Variants in SRRM4 observed in about 807,000 individuals in gnomAD.
SRRM4 encodes the protein serine/arginine repetitive matrix protein 4.
In SRRM4, 33 loss-of-function variants were observed where a neutral mutation model predicts 68.9. That is an observed-to-expected ratio of 0.48 (90% CI 0.36 to 0.64). The LOEUF (loss-of-function observed/expected upper bound fraction) is 0.64, where lower values mean the gene tolerates loss of function less well. SRRM4 is among the 30% of genes least tolerant of loss of function. The probability of loss-of-function intolerance (pLI) is 0.00; values close to 1 mark genes in which losing one functional copy is unlikely to be tolerated. For synonymous variants in SRRM4, 318 were observed against 318.8 expected (o/e 1.00, Z 0.03); for missense variants, 817 against 827.1 (o/e 0.99, Z 0.15).
intron 1 of SRRM4, among the ~76,000 whole-genome samples, chr12:119,089,057 C>T (rs1274627782): frequency 5.3e-5 from 8 of 152,100 alleles, no homozygotes; most frequent in African/African-American, 1.9e-4. Context: ...GCCTGATTCC[C>T]AAGCCCCCGG....
intron 1 of SRRM4, among the ~76,000 whole-genome samples, chr12:119,071,305 G>T (rs370777556): frequency 6.6e-6 from 1 of 152,158 alleles, no homozygotes; most frequent in Non-Finnish European, 1.5e-5. Context: ...ACAGATTTTC[G>T]TGTAAGACAC....
At chr12:119,015,293 A>G (rs1330319532) in intron 1 of SRRM4, among the ~76,000 whole-genome samples, 1 of 152,236 alleles carries the variant, frequency 6.6e-6, no homozygotes, top group Non-Finnish European at 1.5e-5. Flanking sequence ...AGAACTAGTC[A>G]GAGCAGCCAT....
intron 6 of SRRM4, among the ~76,000 whole-genome samples, chr12:119,123,211 C>T (rs1183279214): frequency 6.6e-6 from 1 of 152,164 alleles, no homozygotes; most frequent in Non-Finnish European, 1.5e-5. Context: ...GGTCTTTTCA[C>T]CCAAGGTCAG....
chr12:119,029,711 G>C (rs1028208212), intron 1 of SRRM4, among the ~76,000 whole-genome samples: 2 of 152,214 alleles, frequency 1.3e-5, no homozygotes, highest in Non-Finnish European at 2.9e-5. Flanking sequence ...CTACACGTTT[G>C]TTTCTTCCTG....
intron 9 of SRRM4, among the ~76,000 whole-genome samples, chr12:119,146,889 T>C (rs1422228605): frequency 6.6e-6 from 1 of 151,840 alleles, no homozygotes; most frequent in African/African-American, 2.4e-5. Context: ...TGAGCCGAGA[T>C]TGCGCCAGTG....
intron 1 of SRRM4, among the ~76,000 whole-genome samples, chr12:119,050,991 T>C (rs1675067013): frequency 6.6e-6 from 1 of 152,152 alleles, no homozygotes. Context: ...TCTGTCATCA[T>C]AGAAAGGTTG....
At chr12:118,991,810 GT>G (rs1953318592) in intron 1 of SRRM4, 1 of 152,184 alleles carries the variant, frequency 6.6e-6, no homozygotes, top group Non-Finnish European at 1.5e-5. Flanking sequence ...GTGGCTCAAG[GT>G]TGGTCATCTT....
chr12:119,046,836 C>T (rs4539391), intron 1 of SRRM4, among the ~76,000 whole-genome samples: 121,058 of 151,860 alleles, frequency 0.8, 48,665 homozygotes, highest in Middle Eastern at 0.92. Context: ...AACATAAAAA[C>T]GTGTGGACTC....
chr12:119,075,581 GTGA>G (rs899665358), intron 1 of SRRM4, among the ~76,000 whole-genome samples: 53 of 143,936 alleles, frequency 3.7e-4, no homozygotes, highest in African/African-American at 7.7e-4. Context: ...GGTGATGATG[GTGA>G]TGATGATGAT....
chr12:119,030,085 C>T (rs1953578494), intron 1 of SRRM4, among the ~76,000 whole-genome samples: 2 of 152,158 alleles, frequency 1.3e-5, no homozygotes, highest in African/African-American at 4.8e-5. Flanking sequence ...AACGGAACAG[C>T]AACAGAAGGG....
intron 1 of SRRM4, among the ~76,000 whole-genome samples, chr12:119,003,348 G>A (rs935436163): frequency 6.6e-6 from 1 of 151,684 alleles, no homozygotes; most frequent in Admixed American, 6.6e-5. Flanking sequence ...GGCATATCCT[G>A]AGCCTCAGCC....
At chr12:119,091,879 T>G (rs1036997658) in intron 1 of SRRM4, among the ~76,000 whole-genome samples, 8 of 152,166 alleles carry the variant, frequency 5.3e-5, no homozygotes, top group Non-Finnish European at 8.8e-5. Context: ...TGAGAGTTTC[T>G]AATGTACCTG....
intron 1 of SRRM4, among the ~76,000 whole-genome samples, chr12:118,985,474 T>C (rs1210180852): frequency 1.3e-5 from 2 of 152,138 alleles, no homozygotes; most frequent in African/African-American, 4.8e-5. Flanking sequence ...ATAGTTTATA[T>C]CAAAATGTCT....
intron 1 of SRRM4, among the ~76,000 whole-genome samples, chr12:118,999,051 G>C (rs1324379346): frequency 1.3e-5 from 2 of 152,218 alleles, no homozygotes; most frequent in African/African-American, 4.8e-5. Context: ...TGGCTACTGG[G>C]TGGGATCAGG....
chr12:119,061,029 C>T (rs762431141), intron 1 of SRRM4, among the ~76,000 whole-genome samples: 2 of 152,106 alleles, frequency 1.3e-5, no homozygotes, highest in Non-Finnish European at 2.9e-5. Context: ...CTACTCCCTC[C>T]GTGCACCTCT....
intron 1 of SRRM4, 52 bp downstream of exon 1, chr12:118,982,065 C>T: frequency 6.4e-7 from 1 of 1,561,834 alleles, no homozygotes; most frequent in Non-Finnish European, 8.7e-7. Context: ...CCTTTCTGGC[C>T]TGTGCCCCAG....
chr12:119,114,445 C>T (rs1340099517), intron 3 of SRRM4, 81 bp downstream of exon 3: 32 of 1,173,094 alleles, frequency 2.7e-5, no homozygotes, highest in Non-Finnish European at 3.6e-5. Flanking sequence ...ACAGTGGCTC[C>T]CTCTTGGGTT....
chr12:119,070,295 T>C (rs1345295759), intron 1 of SRRM4, among the ~76,000 whole-genome samples: 1 of 151,732 alleles, frequency 6.6e-6, no homozygotes, highest in Non-Finnish European at 1.5e-5. Context: ...TCATTCAATG[T>C]CTATTTATTG....
intron 4 of SRRM4, among the ~76,000 whole-genome samples, chr12:119,119,909 C>T (rs1565912731): frequency 6.6e-6 from 1 of 152,064 alleles, no homozygotes; most frequent in Non-Finnish European, 1.5e-5. Flanking sequence ...GATTGGAGCA[C>T]CGGTAGGCTT....
Sources: allele counts gnomAD v4.1 joint callset (sites outside exome capture counted in the v4.1 genomes callset), GRCh38; gene constraint gnomAD v4.1.1; transcripts MANE v1.5; gene names NCBI Gene and HGNC (gene_info 2026-07-23, HGNC 2026-07-21).